Variants in CAMK1D observed in about 807,000 individuals in gnomAD.
CAMK1D encodes calcium/calmodulin-dependent protein kinase type 1D.
Under a neutral mutation model 47.7 loss-of-function variants are expected in CAMK1D, and 9 were observed. That is an observed-to-expected ratio of 0.19 (90% CI 0.11 to 0.33). The LOEUF (loss-of-function observed/expected upper bound fraction) is 0.33, where lower values mean the gene tolerates loss of function less well. Ranked by LOEUF, CAMK1D falls within the 10% of genes least tolerant of loss-of-function variation. The probability of loss-of-function intolerance (pLI) is 1.00; values close to 1 mark genes in which losing one functional copy is unlikely to be tolerated. For synonymous variants in CAMK1D, 184 were observed against 184.9 expected (o/e 0.99, Z 0.04); for missense variants, 291 against 488.7 (o/e 0.60, Z 3.81).
chr10:12,548,184 C>T (rs929593354), intron 1 of CAMK1D, among the ~76,000 whole-genome samples: 2 of 152,172 alleles, frequency 1.3e-5, no homozygotes, highest in Non-Finnish European at 2.9e-5. Context: ...AACTTCTTGT[C>T]TGCTTCATGG....
intron 1 of CAMK1D, among the ~76,000 whole-genome samples, chr10:12,510,044 T>C (rs1034845543): frequency 2.6e-5 from 4 of 152,224 alleles, no homozygotes; most frequent in Admixed American, 6.5e-5. Context: ...ACAGAAATCA[T>C]GTAGGCAGAT....
At chr10:12,417,320 T>C (rs1240115161) in intron 1 of CAMK1D, among the ~76,000 whole-genome samples, 1 of 151,578 alleles carries the variant, frequency 6.6e-6, no homozygotes, top group Non-Finnish European at 1.5e-5. Flanking sequence ...CACTGTGGAT[T>C]TGGGTGATGC....
intron 8 of CAMK1D, among the ~76,000 whole-genome samples, chr10:12,823,002 T>C (rs1833066929): frequency 6.6e-6 from 1 of 152,170 alleles, no homozygotes; most frequent in Admixed American, 6.5e-5. Flanking sequence ...GAGAGTTGTT[T>C]TGAGCTGGGA....
At chr10:12,388,816 C>G (rs969212686) in intron 1 of CAMK1D, among the ~76,000 whole-genome samples, 45 of 152,246 alleles carry the variant, frequency 3.0e-4, no homozygotes, top group African/African-American at 1.1e-3. Flanking sequence ...CATCCCACCG[C>G]TTAGGAAGTC....
At chr10:12,453,873 T>C (rs933140358) in intron 1 of CAMK1D, among the ~76,000 whole-genome samples, 2 of 152,180 alleles carry the variant, frequency 1.3e-5, no homozygotes. Flanking sequence ...TATCAGCCTG[T>C]CAAGATCTTT....
chr10:12,681,362 A>G (rs1195194118), intron 3 of CAMK1D, among the ~76,000 whole-genome samples: 1 of 152,144 alleles, frequency 6.6e-6, no homozygotes, highest in Non-Finnish European at 1.5e-5. Flanking sequence ...CAGCCTCCCC[A>G]TGATCACTCT....
At chr10:12,614,516 A>G (rs569225031) in intron 2 of CAMK1D, among the ~76,000 whole-genome samples, 2 of 152,236 alleles carry the variant, frequency 1.3e-5, no homozygotes, top group Non-Finnish European at 2.9e-5. Context: ...ATACGTATTC[A>G]CTTTATAGGG....
chr10:12,719,635 C>A (rs1834293834), intron 3 of CAMK1D, among the ~76,000 whole-genome samples: 1 of 152,094 alleles, frequency 6.6e-6, no homozygotes, highest in Admixed American at 6.5e-5. Context: ...CTAACCTTTC[C>A]ACTGACAGAA....
intron 4 of CAMK1D, among the ~76,000 whole-genome samples, chr10:12,768,456 G>A (rs571287122): frequency 3.3e-5 from 5 of 152,290 alleles, no homozygotes; most frequent in Admixed American, 2.0e-4. Context: ...CCGCTGGGGC[G>A]GGGGAGGAGA....
chr10:12,523,481 G>A (rs148965693), intron 1 of CAMK1D, among the ~76,000 whole-genome samples: 43,272 of 151,860 alleles, frequency 0.28, 6,373 homozygotes, highest in East Asian at 0.38. Flanking sequence ...ATGAGACTCC[G>A]TCTGCAATCC....
chr10:12,780,939 T>G (rs1837464772), intron 5 of CAMK1D, among the ~76,000 whole-genome samples: 1 of 152,162 alleles, frequency 6.6e-6, no homozygotes, highest in Non-Finnish European at 1.5e-5. Flanking sequence ...CAGGGCCCCC[T>G]AAGTGGGGAG....
intron 3 of CAMK1D, among the ~76,000 whole-genome samples, chr10:12,720,784 A>G (rs1420253491): frequency 6.6e-6 from 1 of 152,202 alleles, no homozygotes; most frequent in Non-Finnish European, 1.5e-5. Context: ...CTCCACGGTA[A>G]GGAGATTGTT....
At chr10:12,416,337 A>G (rs1244124406) in intron 1 of CAMK1D, among the ~76,000 whole-genome samples, 1 of 152,202 alleles carries the variant, frequency 6.6e-6, no homozygotes, top group Non-Finnish European at 1.5e-5. Flanking sequence ...GAGATTTTGT[A>G]TTATTAATAG....
chr10:12,765,594 C>G (rs1382225228), intron 4 of CAMK1D, among the ~76,000 whole-genome samples: 2 of 152,236 alleles, frequency 1.3e-5, no homozygotes, highest in African/African-American at 4.8e-5. Context: ...CGCGTGATCT[C>G]ATCAGATCCC....
chr10:12,377,089 G>A (rs1308678743), intron 1 of CAMK1D, among the ~76,000 whole-genome samples: 1 of 151,938 alleles, frequency 6.6e-6, no homozygotes, highest in East Asian at 1.9e-4. Flanking sequence ...CACACATTTT[G>A]TTATTGCATG....
At chr10:12,797,101 G>A (rs931585333) in intron 6 of CAMK1D, among the ~76,000 whole-genome samples, 15 of 152,118 alleles carry the variant, frequency 9.9e-5, no homozygotes, top group Non-Finnish European at 2.1e-4. Flanking sequence ...ATATATTCAC[G>A]AAGCCTGTGC....
At chr10:12,496,133 T>G (rs1183014765) in intron 1 of CAMK1D, among the ~76,000 whole-genome samples, 1 of 152,172 alleles carries the variant, frequency 6.6e-6, no homozygotes, top group Non-Finnish European at 1.5e-5. Flanking sequence ...ATGTGTGTGT[T>G]TTCTTAAATG....
chr10:12,539,242 A>G (rs761824741), intron 1 of CAMK1D, among the ~76,000 whole-genome samples: 7 of 152,144 alleles, frequency 4.6e-5, no homozygotes, highest in Admixed American at 6.5e-5. Context: ...TGTTTTACCT[A>G]TAAGGACTCT....
chr10:12,599,316 AGGC>A (rs1838235949), intron 2 of CAMK1D, among the ~76,000 whole-genome samples: 2 of 152,098 alleles, frequency 1.3e-5, no homozygotes, highest in African/African-American at 4.8e-5. Flanking sequence ...CCATTCAGTG[AGGC>A]GGGATGCAGC....
Sources: allele counts gnomAD v4.1 joint callset (sites outside exome capture counted in the v4.1 genomes callset), GRCh38; gene constraint gnomAD v4.1.1; transcripts MANE v1.5; gene names NCBI Gene and HGNC (gene_info 2026-07-23, HGNC 2026-07-21).